The following ST6GALNAC3 variants were observed in gnomAD, a reference collection of about 807,000 sequenced individuals.
ST6GALNAC3 encodes the protein ST6 N-acetylgalactosaminide alpha-2,6-sialyltransferase 3, also known as alpha-N-acetylgalactosaminide alpha-2,6-sialyltransferase 3.
In ST6GALNAC3, 25 loss-of-function variants were observed where a neutral mutation model predicts 32.7. That is an observed-to-expected ratio of 0.76 (90% CI 0.56 to 1.07). ST6GALNAC3 has a LOEUF of 1.07. Ranked by LOEUF, ST6GALNAC3 falls within the 50% of genes least tolerant of loss-of-function variation. The pLI is 0.00. For missense variants in ST6GALNAC3, 355 were observed against 382.4 expected (o/e 0.93, Z 0.60); for synonymous variants, 129 against 133.1 (o/e 0.97, Z 0.21).
rs1056630901 is a variant in ST6GALNAC3, at chr1:76,492,364, TAGAC to T, written c.623+79948_623+79951del. On this transcript the variant is annotated intron_variant, in intron 3 of 4. Coordinates refer to ENST00000328299, the MANE Select transcript of ST6GALNAC3 (RefSeq NM_152996.4). ...AATAAGTAGTATTAAGTAAGGAAAA[TAGAC>T]TGACATAAAAAAGAAACAAAAAAAG... is the stretch of plus-strand genomic sequence containing the variant. Among the ~76,000 whole-genome samples, 3 of 151,742 alleles carry T rather than the reference TAGAC, an allele frequency of 2.0e-5. No individual in the cohort carries two copies. In the East Asian group the frequency reaches 5.8e-4, roughly 29 times the overall value.
chr1:76,121,269 C>T (rs1648853826), intron 1 of ST6GALNAC3, among the ~76,000 whole-genome samples: 1 of 152,214 alleles, frequency 6.6e-6, no homozygotes, highest in Non-Finnish European at 1.5e-5. Flanking sequence ...TTCTTTCATC[C>T]AGTCCATCAG....
chr1:76,590,115 C>T (rs973441497), intron 3 of ST6GALNAC3, among the ~76,000 whole-genome samples: 1 of 152,238 alleles, frequency 6.6e-6, no homozygotes, highest in Non-Finnish European at 1.5e-5. Flanking sequence ...CCTTGAGGAC[C>T]TCTATACTTA....
chr1:76,609,781 C>A (rs1168141068), intron 3 of ST6GALNAC3, among the ~76,000 whole-genome samples: 1 of 151,852 alleles, frequency 6.6e-6, no homozygotes, highest in African/African-American at 2.4e-5. Context: ...TATTACCTGT[C>A]CCCCCTCCTT....
chr1:76,194,343 G>A (rs1449186690), intron 1 of ST6GALNAC3, among the ~76,000 whole-genome samples: 1 of 152,136 alleles, frequency 6.6e-6, no homozygotes, highest in African/African-American at 2.4e-5. Flanking sequence ...CTCAAACCTT[G>A]CGTTTTAGGA....
At chr1:76,440,195 T>C (rs1035018323) in intron 3 of ST6GALNAC3, among the ~76,000 whole-genome samples, 1 of 152,222 alleles carries the variant, frequency 6.6e-6, no homozygotes, top group African/African-American at 2.4e-5. Flanking sequence ...TGAAGTGTGC[T>C]GAAGGAGTTC....
At chr1:76,600,607 T>C (rs140769575) in intron 3 of ST6GALNAC3, among the ~76,000 whole-genome samples, 76 of 152,308 alleles carry the variant, frequency 5.0e-4, no homozygotes, top group African/African-American at 1.8e-3. Context: ...TATAAATCTA[T>C]TCCAACCCTG....
intron 3 of ST6GALNAC3, among the ~76,000 whole-genome samples, chr1:76,611,575 C>T (rs1378550982): frequency 6.6e-6 from 1 of 152,162 alleles, no homozygotes; most frequent in African/African-American, 2.4e-5. Flanking sequence ...GCACATTCAT[C>T]TAAGTGAATT....
At chr1:76,142,668 A>T (rs1246135728) in intron 1 of ST6GALNAC3, among the ~76,000 whole-genome samples, 3 of 152,184 alleles carry the variant, frequency 2.0e-5, no homozygotes, top group Admixed American at 6.5e-5. Context: ...AAAGACCTAA[A>T]TCACCATATT....
chr1:76,453,535 C>T (rs373095781), intron 3 of ST6GALNAC3, among the ~76,000 whole-genome samples: 6 of 152,048 alleles, frequency 3.9e-5, no homozygotes, highest in African/African-American at 9.6e-5. Context: ...CATTGTTGAC[C>T]CAAAAATCAT....
At chr1:76,382,624 T>A (rs1331301853) in intron 2 of ST6GALNAC3, among the ~76,000 whole-genome samples, 1 of 152,214 alleles carries the variant, frequency 6.6e-6, no homozygotes, top group Non-Finnish European at 1.5e-5. Flanking sequence ...AGACCACTTC[T>A]GGTGCTGGTC....
intron 3 of ST6GALNAC3, among the ~76,000 whole-genome samples, chr1:76,619,432 G>A (rs1429223952): frequency 6.6e-6 from 1 of 152,128 alleles, no homozygotes; most frequent in East Asian, 1.9e-4. Flanking sequence ...TTATAACACA[G>A]ATGAGCACTA....
chr1:76,636,669 CT>C (rs1269970105), downstream of ST6GALNAC3, among the ~76,000 whole-genome samples: 1 of 152,114 alleles, frequency 6.6e-6, no homozygotes, highest in African/African-American at 2.4e-5. Flanking sequence ...ACTTCATTTT[CT>C]TTAAGCTATC....
intron 3 of ST6GALNAC3, among the ~76,000 whole-genome samples, chr1:76,433,441 T>A (rs900906555): frequency 3.3e-5 from 5 of 152,206 alleles, no homozygotes; most frequent in African/African-American, 1.2e-4. Flanking sequence ...ATTTCTGCCA[T>A]CTTTCTTATA....
intron 3 of ST6GALNAC3, among the ~76,000 whole-genome samples, chr1:76,473,314 G>T (rs1659155587): frequency 6.6e-6 from 1 of 152,040 alleles, no homozygotes; most frequent in African/African-American, 2.4e-5. Flanking sequence ...TGAGAAGTCA[G>T]GTATGATAAG....
intron 1 of ST6GALNAC3, among the ~76,000 whole-genome samples, chr1:76,121,738 C>T (rs1200344418): frequency 3.3e-5 from 5 of 152,034 alleles, no homozygotes; most frequent in African/African-American, 1.2e-4. Context: ...AAATGTGGGT[C>T]AGATCACACC....
chr1:76,413,876 T>C (rs1008769245), intron 3 of ST6GALNAC3, among the ~76,000 whole-genome samples: 1 of 152,120 alleles, frequency 6.6e-6, no homozygotes, highest in South Asian at 2.1e-4. Context: ...ATTTCTGATC[T>C]CTCCTTAGCC....
chr1:76,237,895 C>A (rs1184857746), intron 1 of ST6GALNAC3, among the ~76,000 whole-genome samples: 1 of 152,238 alleles, frequency 6.6e-6, no homozygotes, highest in Non-Finnish European at 1.5e-5. Flanking sequence ...CCTCACTTGC[C>A]TGGATATGAA....
At chr1:76,496,182 A>G (rs1557490090) in intron 3 of ST6GALNAC3, among the ~76,000 whole-genome samples, 2 of 152,170 alleles carry the variant, frequency 1.3e-5, no homozygotes, top group East Asian at 1.9e-4. Flanking sequence ...TGAGATTTAG[A>G]CAGACACTAT....
At chr1:76,262,005 T>C (rs906653513) in intron 1 of ST6GALNAC3, among the ~76,000 whole-genome samples, 1 of 152,210 alleles carries the variant, frequency 6.6e-6, no homozygotes, top group African/African-American at 2.4e-5. Context: ...ATGAAACTTA[T>C]AGAGACCTTG....
Sources: gnomAD v4.1 joint callset for allele counts (sites outside exome capture counted in the v4.1 genomes callset) on GRCh38, gnomAD v4.1.1 for gene constraint, MANE v1.5 for transcripts, NCBI Gene and HGNC (gene_info 2026-07-23, HGNC 2026-07-21) for gene names.